The following UBE2E2 variants were observed in gnomAD, a reference collection of about 807,000 sequenced individuals.
The protein encoded by UBE2E2 is ubiquitin conjugating enzyme E2 E2.
Under a neutral mutation model 24.7 loss-of-function variants are expected in UBE2E2, and 6 were observed. The observed-to-expected ratio is 0.24, with a 90% CI of 0.13 to 0.48. The LOEUF is 0.48. Ranked by LOEUF, UBE2E2 falls within the 20% of genes least tolerant of loss-of-function variation. The probability of loss-of-function intolerance (pLI) is 0.99; values close to 1 mark genes in which losing one functional copy is unlikely to be tolerated. For missense variants in UBE2E2, 169 were observed against 245.0 expected (o/e 0.69, Z 2.07); for synonymous variants, 104 against 83.6 (o/e 1.24, Z -1.33).
At chr3:23,545,936 A>G (rs1271400161) in intron 5 of UBE2E2, among the ~76,000 whole-genome samples, 1 of 152,176 alleles carries the variant, frequency 6.6e-6, no homozygotes, top group Non-Finnish European at 1.5e-5. Flanking sequence ...TTAAGTTCTC[A>G]CTTATAAAGC....
intron 3 of UBE2E2, among the ~76,000 whole-genome samples, chr3:23,452,039 G>A (rs1291905928): frequency 6.6e-6 from 1 of 152,200 alleles, no homozygotes; most frequent in African/African-American, 2.4e-5. Context: ...GGTTGGTGGT[G>A]AGTTTTCAAC....
intron 3 of UBE2E2, among the ~76,000 whole-genome samples, chr3:23,422,070 C>T (rs112695735): frequency 1.3e-5 from 2 of 152,060 alleles, no homozygotes; most frequent in African/African-American, 2.4e-5. Context: ...CTCTAATGAG[C>T]TGTTTTGTTG....
At chr3:23,555,650 A>C (rs1430133240) in intron 5 of UBE2E2, among the ~76,000 whole-genome samples, 1 of 152,088 alleles carries the variant, frequency 6.6e-6, no homozygotes, top group African/African-American at 2.4e-5. Flanking sequence ...ACTGTGGTGT[A>C]TACATACATA....
intron 2 of UBE2E2, among the ~76,000 whole-genome samples, chr3:23,210,951 C>A (rs552281704): frequency 2.6e-4 from 39 of 151,996 alleles, no homozygotes; most frequent in Non-Finnish European, 4.4e-4. Flanking sequence ...TTTAAAAAAC[C>A]TTATTTTCCC....
At chr3:23,277,923 G>A (rs111768438) in intron 3 of UBE2E2, among the ~76,000 whole-genome samples, 2 of 152,170 alleles carry the variant, frequency 1.3e-5, no homozygotes, top group East Asian at 1.9e-4. Context: ...TCTCACTTGC[G>A]TAAATTATTT....
In UBE2E2 at chr3:23,217,403, A is replaced by AT. The variant is rs1212904004; in HGVS notation, c.227+93dup. On this transcript the variant is annotated intron_variant, in intron 3 of 5. Coordinates refer to ENST00000396703, the MANE Select transcript of UBE2E2 (RefSeq NM_152653.4). ...TATATGCAGCTGTTGTTGTAGTCTG[A>AT]TTAATTAGTAAAAACATCATTGTTG... 8.7e-6 allele frequency: 10 copies of AT among 1,147,656 alleles called. No individual in the cohort carries two copies. The African/African-American group carries it at 1.4e-4, about 16-fold the overall frequency. 71.1% of individuals were successfully genotyped at this position (1,147,656 alleles called of 1,614,324 possible).
At chr3:23,516,431 G>A (rs983196607) in intron 4 of UBE2E2, among the ~76,000 whole-genome samples, 7 of 152,082 alleles carry the variant, frequency 4.6e-5, no homozygotes, top group African/African-American at 1.4e-4. Context: ...GAGAAGAAAA[G>A]CCTAATAACA....
intron 5 of UBE2E2, among the ~76,000 whole-genome samples, chr3:23,534,970 C>A (rs1046163737): frequency 2.6e-5 from 4 of 152,154 alleles, no homozygotes; most frequent in African/African-American, 9.7e-5. Flanking sequence ...TTTTCTAAAT[C>A]TTTTTCATAC....
intron 3 of UBE2E2, among the ~76,000 whole-genome samples, chr3:23,467,395 A>G (rs890001379): frequency 2.0e-5 from 3 of 152,178 alleles, no homozygotes; most frequent in Admixed American, 2.0e-4. Context: ...TGCTAGAAAC[A>G]ATGTGAATTT....
chr3:23,332,958 C>G (rs570153750), intron 3 of UBE2E2, among the ~76,000 whole-genome samples: 1 of 152,088 alleles, frequency 6.6e-6, no homozygotes, highest in Non-Finnish European at 1.5e-5. Context: ...CTATACGTTT[C>G]GTTTTACAGG....
chr3:23,434,291 A>C (rs1215182674), intron 3 of UBE2E2, among the ~76,000 whole-genome samples: 1 of 152,166 alleles, frequency 6.6e-6, no homozygotes, highest in Non-Finnish European at 1.5e-5. Context: ...TCAATGTAAC[A>C]TCCAATTGCT....
intron 3 of UBE2E2, among the ~76,000 whole-genome samples, chr3:23,370,885 A>G (rs921267474): frequency 2.0e-5 from 3 of 152,220 alleles, no homozygotes; most frequent in Non-Finnish European, 4.4e-5. Flanking sequence ...ATGGGAAGAG[A>G]GTAGAAGTAA....
intron 3 of UBE2E2, among the ~76,000 whole-genome samples, chr3:23,413,396 T>C (rs983604541): frequency 6.6e-6 from 1 of 152,190 alleles, no homozygotes; most frequent in South Asian, 2.1e-4. Flanking sequence ...AGGGGAGAGA[T>C]TGAAAGTATT....
At position 23,522,085 on chromosome 3, in the gene UBE2E2, A is replaced by C. The variant is rs76128501; in HGVS notation, c.361-10469A>C. On this transcript the variant is annotated intron_variant, in intron 4 of 5. Coordinates refer to ENST00000396703, the MANE Select transcript of UBE2E2 (RefSeq NM_152653.4). Reference sequence around the variant, plus strand: ...ATTATGTTATTGGATAACTTGTCCTAAGGCACAAAAACTCATTTGTAGAAA... The same window carrying C: ...ATTATGTTATTGGATAACTTGTCCTCAGGCACAAAAACTCATTTGTAGAAA... Among the ~76,000 whole-genome samples, 759 of 152,088 alleles carry C rather than the reference A, an allele frequency of 5.0e-3. 7 individuals are homozygous for C. The highest frequency in any genetic ancestry group is 0.017 in the African/African-American group (709 of 41,478).
chr3:23,494,568 A>G (rs557546740), intron 3 of UBE2E2, among the ~76,000 whole-genome samples: 8 of 152,280 alleles, frequency 5.3e-5, no homozygotes, highest in East Asian at 1.9e-4. Flanking sequence ...TGGGTTCTCA[A>G]CTGGTACATA....
intron 3 of UBE2E2, among the ~76,000 whole-genome samples, chr3:23,374,233 T>C (rs1186055120): frequency 2.0e-5 from 3 of 152,194 alleles, no homozygotes; most frequent in African/African-American, 4.8e-5. Context: ...GGCCTTCATT[T>C]TGAACATTGT....
At chr3:23,539,703 A>G (rs1202077720) in intron 5 of UBE2E2, among the ~76,000 whole-genome samples, 1 of 152,136 alleles carries the variant, frequency 6.6e-6, no homozygotes, top group African/African-American at 2.4e-5. Flanking sequence ...TGACTGTTAC[A>G]GAGTTGTTCA....
chr3:23,403,466 C>G (rs1330629450), intron 3 of UBE2E2, among the ~76,000 whole-genome samples: 1 of 152,214 alleles, frequency 6.6e-6, no homozygotes, highest in Non-Finnish European at 1.5e-5. Flanking sequence ...AATAATGCTG[C>G]AGCCACATAA....
Position 23,545,648 on chromosome 3 carries a change from A to G in UBE2E2, c.508+12947A>G, listed in dbSNP as rs561012664. ...ACAAGATCTACCATTCAATCCAACA[A>G]TCCTACTACTGGGTATCTACCCAAA... On this transcript the variant is annotated intron_variant, in intron 5 of 5. Coordinates refer to ENST00000396703, the MANE Select transcript of UBE2E2 (RefSeq NM_152653.4). 5.9e-5 allele frequency among the ~76,000 whole-genome samples: 9 copies of G among 152,272 alleles called. 1 individual carries two copies. The highest frequency in any genetic ancestry group is 2.2e-4 in the African/African-American group (9 of 41,572).
Sources: allele counts gnomAD v4.1 joint callset (sites outside exome capture counted in the v4.1 genomes callset), GRCh38; gene constraint gnomAD v4.1.1; transcripts MANE v1.5; gene names NCBI Gene and HGNC (gene_info 2026-07-23, HGNC 2026-07-21).